CCSER1: variants seen among roughly 807,000 people sequenced by gnomAD.
CCSER1 encodes the protein coiled-coil serine rich protein 1.
A neutral mutation model predicts 82.0 loss-of-function variants in CCSER1; 41 were observed. That is an observed-to-expected ratio of 0.50 (90% CI 0.39 to 0.65). The LOEUF (loss-of-function observed/expected upper bound fraction) is 0.65. CCSER1 is among the 30% of genes least tolerant of loss of function. The probability of loss-of-function intolerance (pLI) is 0.00; values close to 1 mark genes in which losing one functional copy is unlikely to be tolerated. For missense variants in CCSER1, 1,119 were observed against 1,064.2 expected, an observed-to-expected ratio of 1.05 and a Z score of -0.72; for synonymous variants, 414 against 383.9, an observed-to-expected ratio of 1.08 and a Z score of -0.92.
At chr4:90,560,293 T>C (rs1330938298) in intron 5 of CCSER1, among the ~76,000 whole-genome samples, 1 of 151,784 alleles carries the variant, frequency 6.6e-6, no homozygotes, top group East Asian at 1.9e-4. Context: ...GCTCTAAACA[T>C]CCTAGATCAG....
intron 4 of CCSER1, among the ~76,000 whole-genome samples, chr4:90,462,767 A>T (rs770487389): frequency 3.3e-5 from 5 of 152,152 alleles, no homozygotes; most frequent in African/African-American, 4.8e-5. Context: ...AGTTATAAAT[A>T]ATATTTGCTA....
intron 10 of CCSER1, among the ~76,000 whole-genome samples, chr4:91,217,320 C>A (rs1273901900): frequency 1.3e-5 from 2 of 152,188 alleles, no homozygotes; most frequent in Admixed American, 1.3e-4. Context: ...AGCCCAGTGG[C>A]CTGTTTTGTC....
intron 3 of CCSER1, among the ~76,000 whole-genome samples, chr4:90,381,448 CT>C (rs1749195218): frequency 6.6e-6 from 1 of 151,960 alleles, no homozygotes; most frequent in Non-Finnish European, 1.5e-5. Flanking sequence ...TTACAAAAGG[CT>C]GAATACATAT....
chr4:90,139,392 C>T (rs1186414081), intron 1 of CCSER1, among the ~76,000 whole-genome samples: 1 of 152,080 alleles, frequency 6.6e-6, no homozygotes, highest in Admixed American at 6.6e-5. Context: ...TAGAAAATAG[C>T]TGTGTGACCT....
chr4:90,662,085 G>A (rs1032279234), intron 6 of CCSER1, among the ~76,000 whole-genome samples: 9 of 149,138 alleles, frequency 6.0e-5, no homozygotes, highest in South Asian at 4.2e-4. Flanking sequence ...TGCAACCTCC[G>A]CCTCCCAGGT....
intron 1 of CCSER1, among the ~76,000 whole-genome samples, chr4:90,168,235 G>A (rs1170447300): frequency 6.6e-6 from 1 of 152,144 alleles, no homozygotes; most frequent in African/African-American, 2.4e-5. Context: ...GTGATGATGA[G>A]CATTATTTCA....
At chr4:91,128,216 A>C (rs887733822) in intron 10 of CCSER1, among the ~76,000 whole-genome samples, 7 of 151,366 alleles carry the variant, frequency 4.6e-5, no homozygotes, top group Non-Finnish European at 8.8e-5. Flanking sequence ...TCTGCCTCTA[A>C]CTCCTCTCTC....
At chr4:91,540,159 C>G (rs991121032) in intron 10 of CCSER1, among the ~76,000 whole-genome samples, 1 of 152,050 alleles carries the variant, frequency 6.6e-6, no homozygotes, top group African/African-American at 2.4e-5. Flanking sequence ...CCTCTACTAG[C>G]ACAGCCTTCC....
intron 8 of CCSER1, among the ~76,000 whole-genome samples, chr4:90,821,810 A>G (rs1759759012): frequency 6.6e-6 from 1 of 152,160 alleles, no homozygotes; most frequent in Non-Finnish European, 1.5e-5. Flanking sequence ...ATGTTGAAGA[A>G]TGCCATGTAA....
chr4:91,245,401 G>GA (rs1161483279), intron 10 of CCSER1, among the ~76,000 whole-genome samples: 2 of 152,068 alleles, frequency 1.3e-5, no homozygotes, highest in Non-Finnish European at 2.9e-5. Context: ...AACAGCAAGA[G>GA]AAAATAAACA....
At chr4:91,390,416 T>C (rs1057020502) in intron 10 of CCSER1, among the ~76,000 whole-genome samples, 1 of 151,926 alleles carries the variant, frequency 6.6e-6, no homozygotes, top group Non-Finnish European at 1.5e-5. Flanking sequence ...ATAATTCTTT[T>C]CATATATTGT....
At chr4:91,473,359 G>C (rs1757390374) in intron 10 of CCSER1, among the ~76,000 whole-genome samples, 1 of 152,104 alleles carries the variant, frequency 6.6e-6, no homozygotes, top group Admixed American at 6.6e-5. Flanking sequence ...TTCTCATAAA[G>C]TATTCCCTTT....
chr4:91,487,867 A>G lies in CCSER1; in HGVS notation c.2218-110705A>G, dbSNP rs1339468454. Among the ~76,000 whole-genome samples the G allele has an allele frequency of 2.0e-5, 3 of 152,026 alleles. No homozygotes were observed. The East Asian group carries it at 5.8e-4, about 29-fold the overall frequency. ...TAGAGTAAAAATAGTTTCAAATTGTATATTTGTTTCAGATATGCACAGATA... is the reference window on the plus strand; with the variant it reads ...TAGAGTAAAAATAGTTTCAAATTGTGTATTTGTTTCAGATATGCACAGATA... On this transcript the variant is annotated intron_variant, in intron 10 of 10. Transcript: ENST00000509176.
intron 10 of CCSER1, among the ~76,000 whole-genome samples, chr4:91,439,345 G>T (rs1051013222): frequency 6.6e-6 from 1 of 152,042 alleles, no homozygotes; most frequent in African/African-American, 2.4e-5. Context: ...TTAAAGAAAA[G>T]AATTTTCAAC....
intron 7 of CCSER1, among the ~76,000 whole-genome samples, chr4:90,794,684 G>A (rs1453766298): frequency 6.6e-6 from 1 of 152,200 alleles, no homozygotes; most frequent in South Asian, 2.1e-4. Context: ...TTTTAAAATA[G>A]CATTTTCTGG....
chr4:91,137,280 C>T (rs71597227), intron 10 of CCSER1, among the ~76,000 whole-genome samples: 16,728 of 82,218 alleles, frequency 0.2, 2,221 homozygotes, highest in East Asian at 0.34. Flanking sequence ...TTTGTTCTTG[C>T]GATAGTTTAC....
chr4:90,622,928 G>A (rs918473874), intron 5 of CCSER1, among the ~76,000 whole-genome samples: 2 of 151,380 alleles, frequency 1.3e-5, no homozygotes, highest in Non-Finnish European at 2.9e-5. Flanking sequence ...TCCAGCACCT[G>A]TTGTTTCCTG....
chr4:90,837,546 T>C (rs911024325), intron 8 of CCSER1, among the ~76,000 whole-genome samples: 3 of 152,178 alleles, frequency 2.0e-5, no homozygotes, highest in Non-Finnish European at 2.9e-5. Context: ...AAAATGTTTT[T>C]GAAGTACTTA....
At chr4:90,924,376 ACTTTT>A (rs1214910721) in intron 9 of CCSER1, among the ~76,000 whole-genome samples, 4 of 152,120 alleles carry the variant, frequency 2.6e-5, no homozygotes, top group South Asian at 2.1e-4. Flanking sequence ...ATATAAAACT[ACTTTT>A]CTTTTAGGAA....
Sources: gnomAD v4.1 joint callset for allele counts (sites outside exome capture counted in the v4.1 genomes callset) on GRCh38, gnomAD v4.1.1 for gene constraint, MANE v1.5 for transcripts, NCBI Gene and HGNC (gene_info 2026-07-23, HGNC 2026-07-21) for gene names.